The following KLRG1 variants were observed in gnomAD, a reference collection of about 807,000 sequenced individuals.
KLRG1 encodes the protein killer cell lectin like receptor G1.
In KLRG1, 16 loss-of-function variants were observed where a neutral mutation model predicts 21.8. The ratio of observed to expected loss-of-function variants is 0.73; its 90% CI spans 0.50 to 1.11. The LOEUF (loss-of-function observed/expected upper bound fraction) is 1.11, where lower values mean the gene tolerates loss of function less well. KLRG1 is among the 50% of genes most tolerant of loss of function. The pLI, the probability that KLRG1 is intolerant of heterozygous loss-of-function variation, is 0.00. For synonymous variants in KLRG1, 69 were observed against 75.9 expected (o/e 0.91, Z 0.47); for missense variants, 173 against 218.3 (o/e 0.79, Z 1.31).
the KLRG1 span, chr12:9,094,975 TA>T: frequency 6.6e-7 from 1 of 1,521,306 alleles, no homozygotes; most frequent in Non-Finnish European, 8.8e-7. Context: ...TTGTTTACCA[TA>T]AAAACCTACA....
At chr12:9,125,726 TTTTGTTTG>T in the KLRG1 span, among the ~76,000 whole-genome samples, 4 of 152,146 alleles carry the variant, frequency 2.6e-5, no homozygotes, top group South Asian at 2.1e-4. Flanking sequence ...TATGTATATT[TTTTGTTTG>T]TTTGTTTGTT....
intron 1 of KLRG1, among the ~76,000 whole-genome samples, chr12:8,980,135 A>C (rs1356289631): frequency 2.6e-5 from 4 of 152,118 alleles, no homozygotes; most frequent in Non-Finnish European, 5.9e-5. Context: ...TCCTTACCTC[A>C]GGTGATCTGC....
At chr12:9,002,530 G>A (rs1947334779) in intron 3 of KLRG1, among the ~76,000 whole-genome samples, 1 of 151,956 alleles carries the variant, frequency 6.6e-6, no homozygotes, top group African/African-American at 2.4e-5. Flanking sequence ...CACCCTCTCT[G>A]GGTGACAAGA....
At chr12:8,962,258 A>G (rs956203476) in intron 1 of KLRG1, among the ~76,000 whole-genome samples, 1 of 152,204 alleles carries the variant, frequency 6.6e-6, no homozygotes, top group Non-Finnish European at 1.5e-5. Flanking sequence ...GAACATGGTG[A>G]AGAGAAAAAT....
chr12:8,988,877 T>G (rs1300283877), upstream of KLRG1, among the ~76,000 whole-genome samples: 1 of 152,198 alleles, frequency 6.6e-6, no homozygotes, highest in Admixed American at 6.5e-5. Flanking sequence ...CCACCACACC[T>G]GGCCTACTCT....
the KLRG1 span, chr12:9,091,354 C>A: frequency 3.1e-6 from 5 of 1,614,092 alleles, no homozygotes; most frequent in Non-Finnish European, 4.2e-6. Flanking sequence ...CATCTTCAGA[C>A]AGGCAGAAGG....
At chr12:9,027,578 G>C in the KLRG1 span, 1 of 934,904 alleles carries the variant, frequency 1.1e-6, no homozygotes, top group South Asian at 1.3e-5. Context: ...AACCACCATA[G>C]GCACCTTGGT....
At chr12:9,093,445 A>G in the KLRG1 span, 30 of 1,544,614 alleles carry the variant, frequency 1.9e-5, no homozygotes, top group Middle Eastern at 3.5e-4. Context: ...TGCATATTGC[A>G]TATGCAGGAA....
chr12:9,028,149 CTTTTTT>C, the KLRG1 span: 1 of 484,998 alleles, frequency 2.1e-6, no homozygotes, highest in South Asian at 2.3e-5. Flanking sequence ...TCGTCTTCTT[CTTTTTT>C]TTTTTTTTTT....
the KLRG1 span, chr12:9,074,519 C>T: frequency 3.3e-6 from 5 of 1,523,594 alleles, no homozygotes; most frequent in Non-Finnish European, 4.5e-6. Flanking sequence ...AAATCTTTTG[C>T]TACCTGAAGG....
chr12:8,981,275 T>G (rs1946750732), intron 1 of KLRG1, among the ~76,000 whole-genome samples: 1 of 152,134 alleles, frequency 6.6e-6, no homozygotes, highest in African/African-American at 2.4e-5. Flanking sequence ...AATTTTCCAT[T>G]TTAAAATTCT....
chr12:9,111,391 ATT>A, the KLRG1 span: 1 of 382,080 alleles, frequency 2.6e-6, no homozygotes, highest in Admixed American at 3.1e-5. Context: ...GTGGTGCCTC[ATT>A]TTAGACAGAG....
chr12:9,166,650 A>T, the KLRG1 span, among the ~76,000 whole-genome samples: 1 of 152,260 alleles, frequency 6.6e-6, no homozygotes, highest in Non-Finnish European at 1.5e-5. Flanking sequence ...TTACTTTTAC[A>T]TAAATTAAAT....
chr12:8,969,963 A>G (rs1946540243), intron 1 of KLRG1, among the ~76,000 whole-genome samples: 1 of 152,160 alleles, frequency 6.6e-6, no homozygotes, highest in East Asian at 1.9e-4. Flanking sequence ...AAAAAATACC[A>G]AAGTTAGCCA....
At chr12:9,033,274 C>T in the KLRG1 span, among the ~76,000 whole-genome samples, 35,805 of 151,662 alleles carry the variant, frequency 0.24, 4,864 homozygotes, top group South Asian at 0.33. Flanking sequence ...TCATCTCTAA[C>T]AAAAATAAAA....
chr12:9,011,420 C>G (rs1344073725), downstream of KLRG1, among the ~76,000 whole-genome samples: 1 of 152,198 alleles, frequency 6.6e-6, no homozygotes, highest in African/African-American at 2.4e-5. Flanking sequence ...TTAGCACTTA[C>G]ATTGCACAGT....
chr12:8,995,686 CTTT>C (rs34680435), intron 3 of KLRG1, among the ~76,000 whole-genome samples: 18 of 141,486 alleles, frequency 1.3e-4, no homozygotes, highest in Admixed American at 2.8e-4. Flanking sequence ...GCAGCAGATT[CTTT>C]TTTTTTTTTT....
intron 3 of KLRG1, among the ~76,000 whole-genome samples, chr12:8,995,828 G>C (rs137860809): frequency 4.6e-5 from 7 of 151,822 alleles, no homozygotes; most frequent in African/African-American, 1.7e-4. Flanking sequence ...AACTACAGGC[G>C]TGTGCCACCA....
At chr12:9,169,370 A>G in the KLRG1 span, 1 of 1,409,832 alleles carries the variant, frequency 7.1e-7, no homozygotes, top group East Asian at 2.3e-5. Context: ...ATAGATACAG[A>G]GTTTTATTAA....
Sources: gnomAD v4.1 joint callset for allele counts (sites outside exome capture counted in the v4.1 genomes callset) on GRCh38, gnomAD v4.1.1 for gene constraint, MANE v1.5 for transcripts, NCBI Gene and HGNC (gene_info 2026-07-23, HGNC 2026-07-21) for gene names.